The following MORN5 variants were observed in gnomAD, a reference collection of about 807,000 sequenced individuals.
The protein encoded by MORN5 is MORN repeat containing 5.
A neutral mutation model predicts 22.1 loss-of-function variants in MORN5; 21 were observed. The observed-to-expected ratio is 0.95, with a 90% confidence interval of 0.67 to 1.37. The LOEUF is 1.37. Ranked by LOEUF, MORN5 falls within the 40% of genes most tolerant of loss-of-function variation. The pLI is 0.00. For synonymous variants in MORN5, 73 were observed against 74.0 expected, an observed-to-expected ratio of 0.99 and a Z score of 0.07; for missense variants, 211 against 215.1, an observed-to-expected ratio of 0.98 and a Z score of 0.12.
chr9:122,161,700 G>A (rs1829202438), intron 1 of MORN5, among the ~76,000 whole-genome samples: 1 of 152,188 alleles, frequency 6.6e-6, no homozygotes, highest in Non-Finnish European at 1.5e-5. Flanking sequence ...AAAAAGTTGA[G>A]AAACTACATT....
intron 2 of MORN5, among the ~76,000 whole-genome samples, chr9:122,169,355 T>A (rs1829333355): frequency 6.6e-6 from 1 of 152,198 alleles, no homozygotes. Flanking sequence ...AACCCTATTT[T>A]ATGTACACTA....
intron 4 of MORN5, chr9:122,175,361 G>A (rs901573750): frequency 1.4e-5 from 9 of 630,840 alleles, no homozygotes; most frequent in Non-Finnish European, 1.8e-5. Flanking sequence ...TAGGTACCTT[G>A]GAGGATCCAG....
At chr9:122,174,908 G>T (rs560504850) in intron 4 of MORN5, 2 of 979,046 alleles carry the variant, frequency 2.0e-6, no homozygotes, top group Non-Finnish European at 2.4e-6. Flanking sequence ...GCATTCCTTC[G>T]ATTTTAATGG....
rs1447443174 is a variant in MORN5 at position 122,166,787 on chromosome 9, T to C, written c.67T>C (p.Tyr23His). ...VDGRMEGKAK[Y>H]ILPTETIYVG... ...TTACAGGATGGAGGGCAAAGCCAAG[T>C]ACATCCTCCCTACCGAAACAATATA... The change falls in exon 2 of 5, where the codon TAC (tyrosine) becomes CAC (histidine). Residue 23 changes from tyrosine (Y) to histidine (H), a missense_variant. By Grantham distance (83) the Tyr-to-His change is moderately conservative. Coordinates refer to ENST00000373764, the MANE Select transcript of MORN5 (RefSeq NM_198469.4). The C allele has an allele frequency of 4.3e-6, 7 of 1,613,576 alleles. No homozygotes were observed. In the South Asian group the frequency reaches 7.7e-5, roughly 18 times the overall value.
At chr9:122,168,686 A>C (rs1316337825) in intron 2 of MORN5, among the ~76,000 whole-genome samples, 1 of 152,192 alleles carries the variant, frequency 6.6e-6, no homozygotes, top group Admixed American at 6.5e-5. Context: ...GTTTGGACAA[A>C]GGGCCGTGGC....
At chr9:122,170,338 A>G (rs1829348637) in intron 3 of MORN5, among the ~76,000 whole-genome samples, 1 of 151,916 alleles carries the variant, frequency 6.6e-6, no homozygotes, top group Admixed American at 6.6e-5. Flanking sequence ...CAATAGCATC[A>G]TCTACCTCCC....
intron 2 of MORN5, among the ~76,000 whole-genome samples, chr9:122,169,132 C>T (rs2118746839): frequency 6.6e-6 from 1 of 152,272 alleles, no homozygotes; most frequent in Non-Finnish European, 1.5e-5. Flanking sequence ...GGTGCCCACC[C>T]ACTTTGGTGA....
At chr9:122,171,603 CT>C (rs1289786027) in intron 3 of MORN5, among the ~76,000 whole-genome samples, 17 of 152,226 alleles carry the variant, frequency 1.1e-4, no homozygotes, top group African/African-American at 3.9e-4. Context: ...TCCCTGACAC[CT>C]GTATTGGTCG....
chr9:122,174,873 AGGATTAAG>A, intron 4 of MORN5: 5 of 1,308,070 alleles, frequency 3.8e-6, no homozygotes, highest in Non-Finnish European at 3.9e-6. Flanking sequence ...TCGCACTGAA[AGGATTAAG>A]GTACTTATTT....
Position 122,169,714 on chromosome 9 carries a change from C to T in MORN5, c.265C>T (p.Arg89Trp), listed in dbSNP as rs139762512. ...KNWHYCDGYD[R>W]RFYTEILNGL... The stretch of plus-strand genomic sequence containing the variant: ...CTGGCATTACTGCGACGGCTATGAT[C>T]GGAGGTTTTACACAGAGATCCTCAA... Residue 89 changes from arginine (R) to tryptophan (W), a missense_variant, in exon 3 of 5, where the codon CGG becomes TGG. Physicochemically the swap from Arg to Trp is moderately radical, Grantham distance 101. Coordinates refer to ENST00000373764, the MANE Select transcript of MORN5 (RefSeq NM_198469.4). The T allele has an allele frequency of 1.5e-4, 239 of 1,613,960 alleles. No individual in the cohort carries two copies. The highest frequency in any genetic ancestry group is 1.9e-4 in the Non-Finnish European group (223 of 1,179,986).
intron 4 of MORN5, among the ~76,000 whole-genome samples, chr9:122,195,985 T>TATTTATTTATTTATTTATTTA (rs1369675409): frequency 4.6e-5 from 7 of 151,986 alleles, no homozygotes; most frequent in African/African-American, 1.5e-4. Flanking sequence ...TTTATTTATT[T>TATTTATTTATTTATTTATTTA]ATTTAGAGAC....
intron 4 of MORN5, among the ~76,000 whole-genome samples, chr9:122,179,349 T>C (rs1323836434): frequency 6.6e-6 from 1 of 152,218 alleles, no homozygotes; most frequent in African/African-American, 2.4e-5. Flanking sequence ...TCATTTGTTC[T>C]TTAGAAAGAC....
chr9:122,175,841 G>A lies in MORN5; in HGVS notation c.439+1214G>A, dbSNP rs530220300. The A allele has an allele frequency of 1.4e-5, 6 of 434,882 alleles. No individual in the cohort carries two copies. The Admixed American group carries it at 1.9e-4, about 14-fold the overall frequency. The allele number at this position is 434,882 out of a possible 1,614,324, so 26.9% of individuals were successfully genotyped here. A position where few individuals can be genotyped will look rare whatever the true frequency, so the allele number is the denominator to read the frequency against. On this transcript the variant is annotated intron_variant, in intron 4 of 4. Coordinates refer to ENST00000373764, the MANE Select transcript of MORN5 (RefSeq NM_198469.4). Reference sequence around the variant, plus strand: ...GAATAAGAGCAAGGAGAGGCCGGGCGCGGTGGCTCATGCCTGTAATCCCAG... The same window carrying A: ...GAATAAGAGCAAGGAGAGGCCGGGCACGGTGGCTCATGCCTGTAATCCCAG...
At chr9:122,180,210 C>G (rs1319459602) in intron 4 of MORN5, among the ~76,000 whole-genome samples, 2 of 152,078 alleles carry the variant, frequency 1.3e-5, no homozygotes, top group Non-Finnish European at 2.9e-5. Flanking sequence ...TACATCATGA[C>G]CCAGGATACA....
At chr9:122,165,079 C>A (rs113465082) in intron 1 of MORN5, among the ~76,000 whole-genome samples, 1 of 152,102 alleles carries the variant, frequency 6.6e-6, no homozygotes, top group African/African-American at 2.4e-5. Flanking sequence ...TTACACATCC[C>A]GACAGAGGTA....
At chr9:122,174,763 A>C (rs1564417837) in intron 4 of MORN5, 136 bp downstream of exon 4, 2 of 1,573,312 alleles carry the variant, frequency 1.3e-6, no homozygotes, top group East Asian at 4.6e-5. Flanking sequence ...GATTACCTGG[A>C]TGTTTTATTT....
At chr9:122,177,715 C>G (rs150400155) in intron 4 of MORN5, among the ~76,000 whole-genome samples, 1 of 152,322 alleles carries the variant, frequency 6.6e-6, no homozygotes, top group Admixed American at 6.5e-5. Flanking sequence ...TTACCTGACA[C>G]TGCACCTAAC....
chr9:122,185,413 G>A (rs1376668347), intron 4 of MORN5, among the ~76,000 whole-genome samples: 1 of 151,108 alleles, frequency 6.6e-6, no homozygotes, highest in Non-Finnish European at 1.5e-5. Flanking sequence ...ATTTTTAGTA[G>A]AGTCGGGGTT....
chr9:122,195,304 C>T (rs1430286391), intron 4 of MORN5, among the ~76,000 whole-genome samples: 3 of 152,196 alleles, frequency 2.0e-5, no homozygotes, highest in Non-Finnish European at 4.4e-5. Context: ...GACTGTCTTA[C>T]ATTGGATGGT....
Sources: gnomAD v4.1 joint callset for allele counts (sites outside exome capture counted in the v4.1 genomes callset) on GRCh38, gnomAD v4.1.1 for gene constraint, MANE v1.5 for transcripts, NCBI Gene and HGNC (gene_info 2026-07-23, HGNC 2026-07-21) for gene names.